The following SH3KBP1 variants were observed in gnomAD, a reference collection of about 807,000 sequenced individuals.
The protein encoded by SH3KBP1 is SH3 domain containing kinase binding protein 1, also known as SH3 domain-containing kinase-binding protein 1.
Under a neutral mutation model 50.1 loss-of-function variants are expected in SH3KBP1, and 8 were observed. That is an observed-to-expected ratio of 0.16 (90% CI 0.09 to 0.29). The LOEUF is 0.29. SH3KBP1 is among the 10% of genes least tolerant of loss of function. The pLI is 1.00. For missense variants in SH3KBP1, 377 were observed against 535.2 expected (o/e 0.70, Z 2.92); for synonymous variants, 227 against 218.6 (o/e 1.04, Z -0.34).
intron 2 of SH3KBP1, among the ~76,000 whole-genome samples, chrX:19,824,050 C>T (rs1210379362): frequency 9.0e-6 from 1 of 111,197 alleles, no homozygotes; most frequent in African/African-American, 3.3e-5. Context: ...GAACTTCTGA[C>T]CTCAAGTGAT....
At chrX:19,861,158 C>T (rs897016960) in intron 1 of SH3KBP1, among the ~76,000 whole-genome samples, 4 of 110,828 alleles carry the variant, frequency 3.6e-5, no homozygotes, top group Admixed American at 9.6e-5. Flanking sequence ...GGGTAGATCA[C>T]GAGGTCAGGA....
chrX:19,667,649 A>C (rs1039777013), intron 6 of SH3KBP1, among the ~76,000 whole-genome samples: 2 of 110,997 alleles, frequency 1.8e-5, no homozygotes, highest in African/African-American at 3.3e-5. Context: ...GCAAAGCATA[A>C]AATGGCAAAG....
In SH3KBP1 at chrX:19,803,123, G is replaced by A. The variant is rs764284152; in HGVS notation, c.162+33002C>T. Among the ~76,000 whole-genome samples the A allele has an allele frequency of 1.1e-4, 12 of 111,811 alleles. No individual in the cohort carries two copies. In the South Asian group the frequency reaches 1.5e-3, roughly 14 times the overall value. ...GATCACACTTAGCGCTCTGCTTCTC[G>A]GCTCCAACCCTCCCTGACACAGAAG... On this transcript the variant is annotated intron_variant, in intron 2 of 17. Coordinates refer to ENST00000397821, the MANE Select transcript of SH3KBP1 (RefSeq NM_031892.3).
chrX:19,659,437 T>TC (rs1290847603), intron 6 of SH3KBP1, among the ~76,000 whole-genome samples: 2 of 109,577 alleles, frequency 1.8e-5, no homozygotes, highest in African/African-American at 6.7e-5. Flanking sequence ...AATTTTTAAT[T>TC]TTTTTTTCTA....
intron 6 of SH3KBP1, among the ~76,000 whole-genome samples, chrX:19,682,830 C>T (rs2063085670): frequency 1.0e-5 from 1 of 97,834 alleles, no homozygotes; most frequent in Non-Finnish European, 2.0e-5. Flanking sequence ...TTGCTGAGGG[C>T]GGGTGGAGGG....
At chrX:19,794,066 T>TC (rs1216568788) in intron 2 of SH3KBP1, among the ~76,000 whole-genome samples, 1 of 109,635 alleles carries the variant, frequency 9.1e-6, no homozygotes, top group Non-Finnish European at 1.9e-5. Context: ...ACCAGAACGG[T>TC]CCCCAGGCAA....
At chrX:19,819,507 GATT>G (rs765516941) in intron 2 of SH3KBP1, among the ~76,000 whole-genome samples, 1 of 109,745 alleles carries the variant, frequency 9.1e-6, no homozygotes, top group Non-Finnish European at 1.9e-5. Context: ...CTAATTTTTT[GATT>G]ATTATTATTA....
At position 19,570,181 on chromosome X, in the gene SH3KBP1, A is replaced by C. The variant is rs779778658; in HGVS notation, c.1299-993T>G. ...CTACTCTGGAATGGCTTGTGGTCTA[A>C]ATGGGAGAGACAGCCAGCCAGCCAC... On this transcript the variant is annotated intron_variant, in intron 12 of 17. Coordinates refer to ENST00000397821, the MANE Select transcript of SH3KBP1 (RefSeq NM_031892.3). 1.3e-4 allele frequency among the ~76,000 whole-genome samples: 15 copies of C among 111,611 alleles called. No homozygotes were observed. In the South Asian group the frequency reaches 5.6e-3, roughly 42 times the overall value.
Position 19,549,044 on chromosome X carries a change from A to G in SH3KBP1, c.1494+930T>C, listed in dbSNP as rs553880386. ...TGTTGTTTATAATGAGGAACTGGAA[A>G]CAACATAAATGCCCAATAACGATAC... On this transcript the variant is annotated intron_variant, in intron 14 of 17. Transcript: ENST00000397821. Among the ~76,000 whole-genome samples the G allele has an allele frequency of 1.5e-4, 17 of 112,031 alleles. No homozygotes were observed. The South Asian group carries it at 6.3e-3, about 42-fold the overall frequency.
intron 13 of SH3KBP1, among the ~76,000 whole-genome samples, chrX:19,563,412 G>A (rs1430500226): frequency 2.7e-5 from 3 of 112,203 alleles, no homozygotes; most frequent in Admixed American, 1.9e-4. Context: ...GGGCGATGCA[G>A]GGAGAAGGCC....
intron 2 of SH3KBP1, among the ~76,000 whole-genome samples, chrX:19,756,063 G>GT (rs1369485749): frequency 9.0e-6 from 1 of 110,662 alleles, no homozygotes; most frequent in Non-Finnish European, 1.9e-5. Context: ...CTTTAACTCG[G>GT]TGTCTGAGGA....
At chrX:19,830,326 C>T (rs1304608958) in intron 2 of SH3KBP1, among the ~76,000 whole-genome samples, 6 of 105,858 alleles carry the variant, frequency 5.7e-5, no homozygotes, top group African/African-American at 1.1e-4. Context: ...TATAGAGGTA[C>T]GCACTTACGT....
intron 2 of SH3KBP1, among the ~76,000 whole-genome samples, chrX:19,818,223 T>G (rs1170722364): frequency 8.9e-6 from 1 of 112,264 alleles, no homozygotes; most frequent in Non-Finnish European, 1.9e-5. Context: ...GTTTTTAATT[T>G]CAGTTTCCAT....
chrX:19,693,499 G>A (rs894091547), intron 5 of SH3KBP1, among the ~76,000 whole-genome samples: 1 of 111,618 alleles, frequency 9.0e-6, no homozygotes, highest in African/African-American at 3.3e-5. Flanking sequence ...CTCTCCAGGG[G>A]ATTCAAAATC....
At chrX:19,877,096 T>G (rs2069276751) in intron 1 of SH3KBP1, among the ~76,000 whole-genome samples, 1 of 112,154 alleles carries the variant, frequency 8.9e-6, no homozygotes, top group African/African-American at 3.2e-5. Flanking sequence ...ACAGATGAGC[T>G]CATTGACCTA....
intron 7 of SH3KBP1, among the ~76,000 whole-genome samples, chrX:19,634,284 A>C (rs992006801): frequency 4.5e-5 from 5 of 110,438 alleles, no homozygotes; most frequent in African/African-American, 1.7e-4. Context: ...ACGTCAGTAC[A>C]GTGTTTGGTG....
intron 1 of SH3KBP1, among the ~76,000 whole-genome samples, chrX:19,876,713 T>C (rs1433671347): frequency 1.8e-5 from 2 of 111,857 alleles, no homozygotes; most frequent in Non-Finnish European, 1.9e-5. Context: ...CAGCAGCCTA[T>C]GGGGAGGGTC....
At chrX:19,756,470 A>T (rs1409282421) in intron 2 of SH3KBP1, among the ~76,000 whole-genome samples, 1 of 111,259 alleles carries the variant, frequency 9.0e-6, no homozygotes, top group African/African-American at 3.3e-5. Context: ...TTTATCTGTC[A>T]GATTGTCAAC....
intron 12 of SH3KBP1, among the ~76,000 whole-genome samples, chrX:19,574,990 T>G (rs1345609690): frequency 8.9e-6 from 1 of 111,915 alleles, no homozygotes; most frequent in African/African-American, 3.2e-5. Flanking sequence ...ACTTCTAACC[T>G]CTACAACTGT....
Sources: allele counts gnomAD v4.1 joint callset (sites outside exome capture counted in the v4.1 genomes callset), GRCh38; gene constraint gnomAD v4.1.1; transcripts MANE v1.5; gene names NCBI Gene and HGNC (gene_info 2026-07-23, HGNC 2026-07-21).